SCFD2: variants seen among roughly 807,000 people sequenced by gnomAD.
The protein encoded by SCFD2 is sec1 family domain containing 2, also known as sec1 family domain-containing protein 2.
In SCFD2, 54 loss-of-function variants were observed where a neutral mutation model predicts 58.9. That is an observed-to-expected ratio of 0.92 (90% CI 0.74 to 1.15). The LOEUF (loss-of-function observed/expected upper bound fraction) is 1.15. Ranked by LOEUF, SCFD2 falls within the 50% of genes most tolerant of loss-of-function variation. The pLI, the probability that SCFD2 is intolerant of heterozygous loss-of-function variation, is 0.00. For synonymous variants in SCFD2, 321 were observed against 335.9 expected (o/e 0.96, Z 0.49); for missense variants, 805 against 836.6 (o/e 0.96, Z 0.47).
intron 5 of SCFD2, among the ~76,000 whole-genome samples, chr4:52,921,665 G>A (rs765638994): frequency 1.3e-5 from 2 of 152,142 alleles, no homozygotes; most frequent in Non-Finnish European, 2.9e-5. Context: ...ACACCCCTGT[G>A]TCAAGGATTG....
intron 6 of SCFD2, among the ~76,000 whole-genome samples, chr4:52,914,179 T>C (rs984244081): frequency 8.5e-5 from 13 of 152,194 alleles, no homozygotes; most frequent in Non-Finnish European, 1.3e-4. Context: ...CCAGGCAAGA[T>C]TGCTTATGAC....
chr4:53,172,709 G>C (rs1180742694), intron 4 of SCFD2, among the ~76,000 whole-genome samples: 1 of 152,108 alleles, frequency 6.6e-6, no homozygotes, highest in Non-Finnish European at 1.5e-5. Context: ...AAAGATACTT[G>C]ATATAATTTC....
At chr4:53,134,090 G>C (rs1435990355) in intron 5 of SCFD2, among the ~76,000 whole-genome samples, 1 of 152,306 alleles carries the variant, frequency 6.6e-6, no homozygotes, top group Non-Finnish European at 1.5e-5. Context: ...TTACAGACGG[G>C]CACATACTGT....
chr4:53,206,377 A>G (rs1007035529), intron 4 of SCFD2, among the ~76,000 whole-genome samples: 6 of 152,128 alleles, frequency 3.9e-5, no homozygotes, highest in Non-Finnish European at 7.3e-5. Flanking sequence ...GAAGTGATGC[A>G]AGCAAAAAAT....
At chr4:53,352,824 A>G (rs1392313501) in intron 1 of SCFD2, 58 bp from the exon 2 acceptor site, 5 of 1,450,430 alleles carry the variant, frequency 3.4e-6, no homozygotes, top group Middle Eastern at 3.6e-4. Context: ...AGCAAGTTGG[A>G]TAAATGTTTT....
chr4:53,113,226 T>C (rs1423905300), intron 5 of SCFD2, among the ~76,000 whole-genome samples: 1 of 152,106 alleles, frequency 6.6e-6, no homozygotes, highest in Admixed American at 6.6e-5. Context: ...TTTCTGGTTT[T>C]CTTCTTTCAG....
At chr4:53,127,454 C>T (rs959495080) in intron 5 of SCFD2, among the ~76,000 whole-genome samples, 4 of 152,128 alleles carry the variant, frequency 2.6e-5, no homozygotes, top group African/African-American at 7.2e-5. Context: ...TGAGATACAA[C>T]GTTGAGCAAA....
intron 5 of SCFD2, among the ~76,000 whole-genome samples, chr4:52,996,548 C>T (rs1177739387): frequency 1.3e-5 from 2 of 152,210 alleles, no homozygotes; most frequent in Non-Finnish European, 2.9e-5. Context: ...CCCTCCCTTC[C>T]CCTTCTGAGA....
At chr4:53,065,364 T>C (rs903975089) in intron 5 of SCFD2, among the ~76,000 whole-genome samples, 2 of 151,704 alleles carry the variant, frequency 1.3e-5, no homozygotes, top group Admixed American at 6.6e-5. Context: ...TGAAAGGAAA[T>C]CTGGAAAGAA....
chr4:53,019,567 A>G (rs1722297897), intron 5 of SCFD2, among the ~76,000 whole-genome samples: 1 of 152,200 alleles, frequency 6.6e-6, no homozygotes, highest in Non-Finnish European at 1.5e-5. Context: ...AGAAGAAATA[A>G]GGAGTAAAAG....
At chr4:52,911,234 G>T (rs575028187) in intron 6 of SCFD2, among the ~76,000 whole-genome samples, 100 of 152,336 alleles carry the variant, frequency 6.6e-4, no homozygotes, top group African/African-American at 2.3e-3. Flanking sequence ...GTTCTCAGGG[G>T]TCCTGTGACC....
At chr4:53,061,488 A>T (rs1193361896) in intron 5 of SCFD2, among the ~76,000 whole-genome samples, 3 of 152,192 alleles carry the variant, frequency 2.0e-5, no homozygotes, top group Non-Finnish European at 2.9e-5. Context: ...TTCCTGTCTT[A>T]GGAATCTTCC....
At chr4:53,021,538 T>C (rs1402976105) in intron 5 of SCFD2, among the ~76,000 whole-genome samples, 3 of 152,152 alleles carry the variant, frequency 2.0e-5, no homozygotes, top group Non-Finnish European at 4.4e-5. Context: ...AAGAGTTTAC[T>C]GTCTAGTGGG....
Position 53,273,986 on chromosome 4 carries a change from C to G in SCFD2, c.1151G>C (p.Gly384Ala). Residue 384 changes from glycine (G) to alanine (A), a missense_variant, in exon 4 of 9, where the codon GGA becomes GCA. By Grantham distance (60) the Gly-to-Ala change is moderately conservative (BLOSUM62 0). Around this residue, in one of 3 missense-constraint regions of SCFD2, gnomAD observed 633 missense variants for 646.8 expected, o/e 0.98. Transcript: ENST00000401642. Reference sequence around the variant, plus strand: ...GAGCTGAATATAGGACATGAGCTGTCCCGGTGTGACTCTCCCTGGAAACAT... The same window carrying G: ...GAGCTGAATATAGGACATGAGCTGTGCCGGTGTGACTCTCCCTGGAAACAT... ...IKMSMGRVTP[G>A]QLMSYIQLFK... 1 of 1,609,836 alleles carries G rather than the reference C, an allele frequency of 6.2e-7. No homozygotes were observed.
At chr4:52,971,663 G>A (rs1721104177) in intron 5 of SCFD2, among the ~76,000 whole-genome samples, 2 of 152,112 alleles carry the variant, frequency 1.3e-5, no homozygotes, top group Non-Finnish European at 2.9e-5. Flanking sequence ...GAAATACAGG[G>A]AACGCCACAA....
At chr4:53,074,617 A>G (rs1723917004) in intron 5 of SCFD2, among the ~76,000 whole-genome samples, 1 of 152,196 alleles carries the variant, frequency 6.6e-6, no homozygotes, top group Non-Finnish European at 1.5e-5. Context: ...TGAGCGACAG[A>G]ATGGATGCTG....
intron 4 of SCFD2, among the ~76,000 whole-genome samples, chr4:53,268,082 G>A (rs1731045616): frequency 6.6e-6 from 1 of 152,066 alleles, no homozygotes; most frequent in African/African-American, 2.4e-5. Flanking sequence ...ATGAAGGAGG[G>A]CACAATAGTG....
chr4:52,905,549 T>C (rs920320558), intron 7 of SCFD2, among the ~76,000 whole-genome samples: 3 of 152,186 alleles, frequency 2.0e-5, no homozygotes, highest in African/African-American at 7.2e-5. Context: ...TCCTGACAGC[T>C]GCTGGGAGAA....
intron 4 of SCFD2, among the ~76,000 whole-genome samples, chr4:53,241,371 G>A (rs941479481): frequency 3.3e-5 from 5 of 152,286 alleles, no homozygotes; most frequent in African/African-American, 9.6e-5. Context: ...TCTGAACTCT[G>A]CAAGGCAGTC....
Sources: gnomAD v4.1 joint callset for allele counts (sites outside exome capture counted in the v4.1 genomes callset) on GRCh38, gnomAD v4.1.1 for gene constraint, gnomAD v4.1.1 regional missense constraint, MANE v1.5 for transcripts, NCBI Gene and HGNC (gene_info 2026-07-23, HGNC 2026-07-21) for gene names.